Variants in GARIN1A observed in about 807,000 individuals in gnomAD.
GARIN1A encodes golgi associated RAB2 interactor 1A, also known as Golgi-associated RAB2 interactor protein 1A.
At chr7:128,683,088 G>A in the GARIN1A span, 1 of 1,612,570 alleles carries the variant, frequency 6.2e-7, no homozygotes, top group Non-Finnish European at 8.5e-7. Flanking sequence ...CTGGGAACAA[G>A]AGGACTGGAA....
At chr7:128,706,461 A>G in the GARIN1A span, among the ~76,000 whole-genome samples, 1 of 151,820 alleles carries the variant, frequency 6.6e-6, no homozygotes, top group Non-Finnish European at 1.5e-5. Flanking sequence ...TTATACACTC[A>G]TGCACCTATA....
chr7:128,689,957 G>A, the GARIN1A span, among the ~76,000 whole-genome samples: 4 of 152,030 alleles, frequency 2.6e-5, no homozygotes, highest in African/African-American at 9.7e-5. Flanking sequence ...GCGGTTTTGT[G>A]GAATAGAAAA....
the GARIN1A span, chr7:128,683,426 A>T: frequency 3.7e-6 from 1 of 267,226 alleles, no homozygotes; most frequent in Non-Finnish European, 6.9e-6. Flanking sequence ...GTCTGTGTGT[A>T]CAGAGAACTA....
At chr7:128,678,129 T>G in the GARIN1A span, 1 of 198,730 alleles carries the variant, frequency 5.0e-6, no homozygotes, top group Non-Finnish European at 1.0e-5. Flanking sequence ...CAAGCGATTC[T>G]TGTGCCTCAG....
chr7:128,706,384 G>C, the GARIN1A span, among the ~76,000 whole-genome samples: 12 of 151,920 alleles, frequency 7.9e-5, no homozygotes, highest in Non-Finnish European at 1.8e-4. Context: ...CTGCTTGTAG[G>C]CCCTCTCAAT....
the GARIN1A span, among the ~76,000 whole-genome samples, chr7:128,708,315 T>C: frequency 2.0e-5 from 3 of 151,992 alleles, no homozygotes; most frequent in Admixed American, 2.0e-4. Flanking sequence ...GTGTGAGTCA[T>C]TGCACCGGGC....
chr7:128,687,135 C>T, the GARIN1A span: 2 of 152,250 alleles, frequency 1.3e-5, no homozygotes, highest in African/African-American at 4.8e-5. Context: ...CCTCATGACA[C>T]TTATCCTTAT....
chr7:128,690,150 G>C, the GARIN1A span, among the ~76,000 whole-genome samples: 11 of 152,158 alleles, frequency 7.2e-5, no homozygotes, highest in Non-Finnish European at 1.3e-4. Flanking sequence ...GTCCACTCAG[G>C]GTTAAATGGA....
At chr7:128,683,050 C>G in the GARIN1A span, 11 of 1,611,212 alleles carry the variant, frequency 6.8e-6, no homozygotes, top group South Asian at 1.0e-4. Flanking sequence ...TTGAATATAC[C>G]CATGAGAGCT....
the GARIN1A span, among the ~76,000 whole-genome samples, chr7:128,707,236 G>A: frequency 1.3e-5 from 2 of 151,708 alleles, no homozygotes; most frequent in African/African-American, 4.9e-5. Flanking sequence ...GTGTGTGTGT[G>A]TGTGTGTGTG....
chr7:128,703,654 A>G, the GARIN1A span, among the ~76,000 whole-genome samples: 2 of 152,086 alleles, frequency 1.3e-5, no homozygotes, highest in South Asian at 4.1e-4. Context: ...GGAGCAGCTT[A>G]TAGTCCTACT....
chr7:128,707,936 T>C, the GARIN1A span, among the ~76,000 whole-genome samples: 1 of 151,682 alleles, frequency 6.6e-6, no homozygotes, highest in Non-Finnish European at 1.5e-5. Flanking sequence ...CTTCCTTCCC[T>C]TCCCTTCTCC....
chr7:128,672,426 A>G, the GARIN1A span: 1 of 1,609,162 alleles, frequency 6.2e-7, no homozygotes, highest in Non-Finnish European at 8.5e-7. Flanking sequence ...CTCCCACCTG[A>G]GGTCAGGGAA....
At chr7:128,699,289 C>A in the GARIN1A span, among the ~76,000 whole-genome samples, 1 of 135,226 alleles carries the variant, frequency 7.4e-6, no homozygotes, top group Admixed American at 7.7e-5. Context: ...CAAAAACAAC[C>A]AACTTCATTG....
chr7:128,672,854 C>T, the GARIN1A span, among the ~76,000 whole-genome samples: 1 of 152,194 alleles, frequency 6.6e-6, no homozygotes, highest in Non-Finnish European at 1.5e-5. Flanking sequence ...GCCACTTGTC[C>T]AAAGTGGATG....
At chr7:128,686,944 C>T in the GARIN1A span, 1 of 152,136 alleles carries the variant, frequency 6.6e-6, no homozygotes, top group African/African-American at 2.4e-5. Flanking sequence ...CATGAAATGA[C>T]TAGACCCCTG....
At chr7:128,690,525 G>A in the GARIN1A span, 3 of 152,206 alleles carry the variant, frequency 2.0e-5, no homozygotes, top group Non-Finnish European at 1.5e-5. Flanking sequence ...GGCAGCCGCA[G>A]TTCAGTTTTC....
the GARIN1A span, among the ~76,000 whole-genome samples, chr7:128,681,841 C>G: frequency 1.3e-5 from 2 of 151,604 alleles, no homozygotes; most frequent in Non-Finnish European, 2.9e-5. Context: ...CCTTTCTGGC[C>G]CCTCAACTGC....
the GARIN1A span, chr7:128,675,663 G>T: frequency 6.2e-7 from 1 of 1,612,858 alleles, no homozygotes; most frequent in Non-Finnish European, 8.5e-7. Context: ...TGTACCTGAG[G>T]CTGATTTCCA....
Sources: gnomAD v4.1 joint callset for allele counts (sites outside exome capture counted in the v4.1 genomes callset) on GRCh38, gnomAD v4.1.1 for gene constraint, MANE v1.5 for transcripts, NCBI Gene and HGNC (gene_info 2026-07-23, HGNC 2026-07-21) for gene names.